The following COMMD10 variants were observed in gnomAD, a reference collection of about 807,000 sequenced individuals.
COMMD10 encodes COMM domain-containing protein 10.
COMMD10 carries 33 observed loss-of-function variants against 28.9 expected under a neutral mutation model. That is an observed-to-expected ratio of 1.14 (90% CI 0.87 to 1.53). The LOEUF (loss-of-function observed/expected upper bound fraction) is 1.53, where lower values mean the gene tolerates loss of function less well. Among genes scored for constraint, COMMD10 ranks in the 40% most tolerant of loss-of-function variants. COMMD10 has a pLI of 0.00. For synonymous variants in COMMD10, 110 were observed against 81.7 expected, an observed-to-expected ratio of 1.35 and a Z score of -1.87; for missense variants, 310 against 233.4, an observed-to-expected ratio of 1.33 and a Z score of -2.14.
chr5:116,251,335 A>C (rs1370046233), intron 5 of COMMD10, among the ~76,000 whole-genome samples: 5 of 148,578 alleles, frequency 3.4e-5, no homozygotes, highest in Non-Finnish European at 7.5e-5. Flanking sequence ...GTACATGTGC[A>C]CATTGTGCAG....
intron 4 of COMMD10, among the ~76,000 whole-genome samples, chr5:116,103,544 T>C (rs1046900900): frequency 1.8e-4 from 28 of 152,330 alleles, no homozygotes; most frequent in African/African-American, 6.7e-4. Context: ...AAGTTCCTTG[T>C]AGATTCTGGA....
chr5:116,097,483 A>G (rs1220044506), intron 4 of COMMD10, among the ~76,000 whole-genome samples: 1 of 152,192 alleles, frequency 6.6e-6, no homozygotes, highest in Non-Finnish European at 1.5e-5. Flanking sequence ...GGATTTGACA[A>G]GAATAGTCAC....
intron 5 of COMMD10, among the ~76,000 whole-genome samples, chr5:116,271,592 G>A (rs6888823): frequency 0.11 from 16,851 of 151,572 alleles, 1,573 homozygotes; most frequent in African/African-American, 0.23. Context: ...TACCAGTATG[G>A]AAGATCAACA....
intron 5 of COMMD10, among the ~76,000 whole-genome samples, chr5:116,134,979 C>A (rs1022753445): frequency 4.6e-5 from 7 of 152,002 alleles, no homozygotes; most frequent in Non-Finnish European, 1.0e-4. Context: ...ACAACTTGAA[C>A]GTGATTATTA....
intron 4 of COMMD10, among the ~76,000 whole-genome samples, chr5:116,122,904 A>G (rs1257896158): frequency 1.3e-5 from 2 of 152,338 alleles, no homozygotes; most frequent in East Asian, 3.9e-4. Flanking sequence ...TTCTAAATAT[A>G]CAGTCATGTC....
At chr5:116,110,273 T>C (rs1256177994) in intron 4 of COMMD10, among the ~76,000 whole-genome samples, 1 of 152,188 alleles carries the variant, frequency 6.6e-6, no homozygotes, top group Non-Finnish European at 1.5e-5. Context: ...TTCTGTTTCC[T>C]AGTATTTTGT....
chr5:116,164,488 G>T (rs1753027548), intron 5 of COMMD10, among the ~76,000 whole-genome samples: 1 of 152,160 alleles, frequency 6.6e-6, no homozygotes, highest in African/African-American at 2.4e-5. Flanking sequence ...AGTCTTCTCA[G>T]TGAGCATGCC....
At chr5:116,162,874 T>C (rs1752962669) in intron 5 of COMMD10, among the ~76,000 whole-genome samples, 1 of 26,562 alleles carries the variant, frequency 3.8e-5, no homozygotes, top group African/African-American at 2.5e-4. Context: ...ACAACACCTT[T>C]TTAAAAAATT....
intron 5 of COMMD10, among the ~76,000 whole-genome samples, chr5:116,167,445 C>A (rs558926279): frequency 1.3e-5 from 2 of 152,242 alleles, no homozygotes; most frequent in South Asian, 2.1e-4. Context: ...AGAAGGACTT[C>A]CCCAACCTAG....
intron 5 of COMMD10, among the ~76,000 whole-genome samples, chr5:116,191,692 G>T (rs1006740410): frequency 9.2e-5 from 14 of 151,656 alleles, no homozygotes; most frequent in Non-Finnish European, 5.9e-5. Context: ...CCACTTGATG[G>T]TCCTTCCCTA....
chr5:116,162,448 C>T (rs534613014), intron 5 of COMMD10, among the ~76,000 whole-genome samples: 124 of 151,246 alleles, frequency 8.2e-4, no homozygotes, highest in African/African-American at 2.8e-3. Context: ...TTTCCAGTTA[C>T]ACAGAAGTTG....
intron 4 of COMMD10, among the ~76,000 whole-genome samples, chr5:116,092,904 C>A (rs1750347589): frequency 6.6e-6 from 1 of 152,146 alleles, no homozygotes; most frequent in Non-Finnish European, 1.5e-5. Context: ...ACAGAGTACA[C>A]TCTAGAGAAT....
chr5:116,154,328 A>G (rs1030770608), intron 5 of COMMD10, among the ~76,000 whole-genome samples: 4 of 152,176 alleles, frequency 2.6e-5, no homozygotes, highest in Admixed American at 2.0e-4. Flanking sequence ...TATTGGATTT[A>G]AAACTTGAAA....
At chr5:116,118,250 C>T (rs1397036752) in intron 4 of COMMD10, among the ~76,000 whole-genome samples, 5 of 152,112 alleles carry the variant, frequency 3.3e-5, no homozygotes, top group African/African-American at 9.7e-5. Flanking sequence ...TATTTTTCTC[C>T]ATAATATTTA....
At chr5:116,282,490 C>T (rs1245393755) in intron 5 of COMMD10, among the ~76,000 whole-genome samples, 1 of 151,888 alleles carries the variant, frequency 6.6e-6, no homozygotes, top group South Asian at 2.1e-4. Context: ...AATGCTTTTA[C>T]ATTGCTCTTA....
intron 5 of COMMD10, among the ~76,000 whole-genome samples, chr5:116,167,900 G>A (rs941048466): frequency 1.3e-5 from 2 of 152,030 alleles, no homozygotes; most frequent in Admixed American, 6.6e-5. Context: ...AAAGACCATC[G>A]ACACTATGAA....
Position 116,114,651 on chromosome 5 carries a change from C to T in COMMD10, c.400-19417C>T, listed in dbSNP as rs377421713. On this transcript the variant is annotated intron_variant, in intron 4 of 6. Transcript: ENST00000274458. Reference sequence around the variant, plus strand: ...CTGGGCTTGTCCTATGAAATGCTTGCATGAGGGGTGACAACACCTTTGCTG... The same window carrying T: ...CTGGGCTTGTCCTATGAAATGCTTGTATGAGGGGTGACAACACCTTTGCTG... 7.0e-4 allele frequency among the ~76,000 whole-genome samples: 106 copies of T among 152,296 alleles called. 1 individual carries two copies. The South Asian group carries it at 0.021, about 30-fold the overall frequency.
chr5:116,241,633 G>C (rs1056426184), intron 5 of COMMD10, among the ~76,000 whole-genome samples: 1 of 83,734 alleles, frequency 1.2e-5, no homozygotes, highest in Non-Finnish European at 2.7e-5. Context: ...TTTATTTTGA[G>C]ATGGAGTCTC....
chr5:116,166,136 T>A (rs1205442907), intron 5 of COMMD10, among the ~76,000 whole-genome samples: 1 of 124,110 alleles, frequency 8.1e-6, no homozygotes, highest in African/African-American at 3.3e-5. Flanking sequence ...GCACATGGAC[T>A]TGAGTCCATT....
Sources: allele counts gnomAD v4.1 joint callset (sites outside exome capture counted in the v4.1 genomes callset), GRCh38; gene constraint gnomAD v4.1.1; transcripts MANE v1.5; gene names NCBI Gene and HGNC (gene_info 2026-07-23, HGNC 2026-07-21).